Variants in PRICKLE1 observed in about 807,000 individuals in gnomAD.
The protein encoded by PRICKLE1 is prickle planar cell polarity protein 1.
A neutral mutation model predicts 70.2 loss-of-function variants in PRICKLE1; 14 were observed. That is an observed-to-expected ratio of 0.20 (90% CI 0.13 to 0.31). The LOEUF (loss-of-function observed/expected upper bound fraction) is 0.31. Ranked by LOEUF, PRICKLE1 falls within the 10% of genes least tolerant of loss-of-function variation. PRICKLE1 has a pLI of 1.00. For synonymous variants in PRICKLE1, 357 were observed against 379.9 expected, an observed-to-expected ratio of 0.94 and a Z score of 0.70; for missense variants, 821 against 1,026.2, an observed-to-expected ratio of 0.80 and a Z score of 2.73.
rs570462255 is a variant in PRICKLE1 at position 42,563,376 on chromosome 12, G to A, written c.-49+26089C>T. Among the ~76,000 whole-genome samples the A allele has an allele frequency of 5.3e-5, 8 of 151,810 alleles. No homozygotes were observed. In the East Asian group the frequency reaches 1.6e-3, roughly 30 times the overall value. On this transcript the variant is annotated intron_variant, in intron 1 of 7. Coordinates refer to ENST00000345127, the MANE Select transcript of PRICKLE1 (RefSeq NM_153026.3). ...AAATGTTTAATTATCATGGGTATAT[G>A]AATGTTGCACAATATTGGAGTTTTT...
At chr12:42,553,006 T>C (rs1278815667) in intron 1 of PRICKLE1, among the ~76,000 whole-genome samples, 1 of 152,242 alleles carries the variant, frequency 6.6e-6, no homozygotes, top group Non-Finnish European at 1.5e-5. Context: ...TCAGGCTGTA[T>C]TGCTCGCTGG....
At chr12:42,483,680 C>T (rs1303669096) in intron 1 of PRICKLE1, 1 of 151,594 alleles carries the variant, frequency 6.6e-6, no homozygotes, top group Non-Finnish European at 1.5e-5. Flanking sequence ...AGGGGTCGCC[C>T]CCGCCCCGCC....
intron 1 of PRICKLE1, among the ~76,000 whole-genome samples, chr12:42,495,793 G>A (rs984026692): frequency 3.3e-5 from 5 of 151,820 alleles, no homozygotes; most frequent in Admixed American, 2.0e-4. Flanking sequence ...GGGTTTCACC[G>A]TGTTGCTCAG....
At chr12:42,534,219 T>A (rs1028002383) in intron 1 of PRICKLE1, among the ~76,000 whole-genome samples, 1 of 152,146 alleles carries the variant, frequency 6.6e-6, no homozygotes, top group East Asian at 1.9e-4. Context: ...AGGAAAGTCC[T>A]CTCCATTGAC....
At chr12:42,465,286 C>T (rs1213483532) in intron 6 of PRICKLE1, 28 bp from the exon 7 acceptor site, 7 of 1,612,922 alleles carry the variant, frequency 4.3e-6, no homozygotes, top group Admixed American at 3.3e-5. Context: ...GAATAAATAA[C>T]AGGTTATGGT....
intron 1 of PRICKLE1, among the ~76,000 whole-genome samples, chr12:42,473,625 C>CA (rs1265581549): frequency 1.3e-5 from 2 of 151,938 alleles, no homozygotes; most frequent in African/African-American, 4.8e-5. Flanking sequence ...GCCTTTCACC[C>CA]ACAAAAAAAT....
At chr12:42,535,008 T>C (rs1939993783) in intron 1 of PRICKLE1, among the ~76,000 whole-genome samples, 1 of 152,208 alleles carries the variant, frequency 6.6e-6, no homozygotes, top group Admixed American at 6.5e-5. Context: ...TCTCAGTTTG[T>C]GACAGTTTTG....
rs532968932 is a variant in PRICKLE1, at chr12:42,560,832, AT to A, written c.-49+28632del. On this transcript the variant is annotated intron_variant, in intron 1 of 7. Coordinates refer to ENST00000345127, the MANE Select transcript of PRICKLE1 (RefSeq NM_153026.3). ...CACACACACACAAAACAAAAAACACATGCTCTATTGGGAATTCTTATAATGT... is the reference window on the plus strand; with the variant it reads ...CACACACACACAAAACAAAAAACACAGCTCTATTGGGAATTCTTATAATGT... 1.6e-4 allele frequency among the ~76,000 whole-genome samples: 24 copies of A among 151,294 alleles called. No individual in the cohort carries two copies. The South Asian group carries it at 5.0e-3, about 32-fold the overall frequency.
chr12:42,529,767 A>G (rs977011915), intron 1 of PRICKLE1, among the ~76,000 whole-genome samples: 3 of 152,042 alleles, frequency 2.0e-5, no homozygotes, highest in Non-Finnish European at 2.9e-5. Flanking sequence ...ATGGTTGCGC[A>G]TGCCTATAAT....
At position 42,460,610 on chromosome 12, in the gene PRICKLE1, A is replaced by C. The variant is rs747960166; in HGVS notation, c.1695T>G (p.Asn565Lys). 1.4e-5 allele frequency: 23 copies of C among 1,613,160 alleles called. No individual in the cohort carries two copies. Among genetic ancestry groups the C allele is most frequent in the Non-Finnish European group, 1.9e-5 (22 of 1,180,022 alleles). ...AATCTTCTGTTTCCATCTCCTCAAAATTTTGCAGAGAATACAATGATGGCC... is the reference window on the plus strand; with the variant it reads ...AATCTTCTGTTTCCATCTCCTCAAACTTTTGCAGAGAATACAATGATGGCC... Reference protein sequence around the residue: ...KPRPSLYSLQNFEEMETEDCE... With the variant: ...KPRPSLYSLQKFEEMETEDCE... The change falls in exon 8 of 8, where the codon AAT becomes AAG. Residue 565 changes from asparagine (N) to lysine (K), a missense_variant. Coordinates refer to ENST00000345127, the MANE Select transcript of PRICKLE1 (RefSeq NM_153026.3).
intron 3 of PRICKLE1, 195 bp from the exon 4 acceptor site, chr12:42,469,782 A>G: frequency 1.5e-6 from 1 of 652,608 alleles, no homozygotes; most frequent in South Asian, 1.9e-5. Context: ...ATGTGAAGGA[A>G]TACTTTTTTT....
intron 1 of PRICKLE1, among the ~76,000 whole-genome samples, chr12:42,519,193 C>CTTTTTTTTTTTTTTTTTT (rs11342397): frequency 9.1e-5 from 9 of 99,186 alleles, no homozygotes; most frequent in East Asian, 3.2e-4. Flanking sequence ...CCTTTTTTTC[C>CTTTTTTTTTTTTTTTTTT]TTTTTTTTTT....
chr12:42,560,800 AC>A (rs1940500322), intron 1 of PRICKLE1, among the ~76,000 whole-genome samples: 1 of 150,910 alleles, frequency 6.6e-6, no homozygotes, highest in Non-Finnish European at 1.5e-5. Context: ...ACACACACAC[AC>A]ACACACACAC....
chr12:42,513,471 G>A (rs995977149), intron 1 of PRICKLE1, among the ~76,000 whole-genome samples: 2 of 152,128 alleles, frequency 1.3e-5, no homozygotes, highest in African/African-American at 4.8e-5. Flanking sequence ...AGAAGTGCTT[G>A]AATCCAGGAG....
Position 42,457,917 on chromosome 12 carries a change from T to C in PRICKLE1, c.*1892A>G, listed in dbSNP as rs190217366. 1 of 152,372 alleles carries C rather than the reference T, an allele frequency of 6.6e-6. No individual in the cohort carries two copies. Among genetic ancestry groups the C allele is most frequent in the Admixed American group, 6.5e-5 (1 of 15,308 alleles). 9.4% of individuals were successfully genotyped at this position (152,372 alleles called of 1,614,324 possible). On this transcript the variant is annotated 3_prime_UTR_variant, in exon 8 of 8. Coordinates refer to ENST00000345127, the MANE Select transcript of PRICKLE1 (RefSeq NM_153026.3). ...GGAAAGGAGATGCTGTCTCTGACTT[T>C]TGCCCTATTTGAATTTTTTTGTCAT...
intron 1 of PRICKLE1, among the ~76,000 whole-genome samples, chr12:42,511,911 T>C (rs185342847): frequency 1.3e-5 from 2 of 152,288 alleles, no homozygotes; most frequent in Admixed American, 6.5e-5. Flanking sequence ...TTATAGGGAA[T>C]CTTTTGTATT....
rs1938357265 is a variant in PRICKLE1 at position 42,472,350 on chromosome 12, A to T, written c.132+35T>A. On this transcript the variant is annotated intron_variant, in intron 2 of 7. Coordinates refer to ENST00000345127, the MANE Select transcript of PRICKLE1 (RefSeq NM_153026.3). ...TCTAAAGTCTGAACTCACACTGAAA[A>T]ACAAAGAGTAAATATAGGATGATGA... 3.1e-6 allele frequency: 5 copies of T among 1,613,428 alleles called. No homozygotes were observed. In the East Asian group the frequency reaches 1.1e-4, roughly 36 times the overall value.
intron 5 of PRICKLE1, among the ~76,000 whole-genome samples, chr12:42,468,297 C>T (rs1392442714): frequency 6.6e-6 from 1 of 152,122 alleles, no homozygotes; most frequent in Non-Finnish European, 1.5e-5. Context: ...AAAAATGAGA[C>T]CATCTACTAC....
chr12:42,460,865 C>G (rs1169170707), intron 7 of PRICKLE1, 200 bp from the exon 8 acceptor site: 4 of 647,870 alleles, frequency 6.2e-6, no homozygotes, highest in African/African-American at 1.8e-5. Context: ...GGGGTGGGCA[C>G]AGCCTTTTTT....
Sources: allele counts gnomAD v4.1 joint callset (sites outside exome capture counted in the v4.1 genomes callset), GRCh38; gene constraint gnomAD v4.1.1; transcripts MANE v1.5; gene names NCBI Gene and HGNC (gene_info 2026-07-23, HGNC 2026-07-21).